KLHDC4: variants seen among roughly 807,000 people sequenced by gnomAD.
KLHDC4 encodes the protein kelch domain-containing protein 4.
KLHDC4 carries 90 observed loss-of-function variants against 62.4 expected under a neutral mutation model. The observed-to-expected ratio is 1.44, with a 90% CI of 1.22 to 1.72. The LOEUF (loss-of-function observed/expected upper bound fraction) is 1.72, where lower values mean the gene tolerates loss of function less well. Among genes scored for constraint, KLHDC4 ranks in the 40% most tolerant of loss-of-function variants. The pLI is 0.00. For missense variants in KLHDC4, 1,025 were observed against 699.7 expected (o/e 1.47, Z -5.25); for synonymous variants, 386 against 284.4 (o/e 1.36, Z -3.59).
At chr16:87,751,689 TG>T (rs113524220) in intron 4 of KLHDC4, among the ~76,000 whole-genome samples, 5 of 152,044 alleles carry the variant, frequency 3.3e-5, no homozygotes, top group South Asian at 2.1e-4. Flanking sequence ...GAGGCTCATG[TG>T]GGAGGATTGC....
At chr16:87,704,038 G>A (rs72810194), downstream of KLHDC4, among the ~76,000 whole-genome samples, 4,646 of 152,338 alleles carry the variant, frequency 0.03, 110 homozygotes, top group Non-Finnish European at 0.043. Context: ...GGCTGAGGCC[G>A]TGATCACAGC....
chr16:87,742,679 G>A (rs2042404880), intron 5 of KLHDC4, among the ~76,000 whole-genome samples: 1 of 152,108 alleles, frequency 6.6e-6, no homozygotes, highest in Non-Finnish European at 1.5e-5. Flanking sequence ...GGAGTGGGAG[G>A]GCAGGAAGGA....
At chr16:87,764,593 A>G (rs2046335847) in intron 1 of KLHDC4, among the ~76,000 whole-genome samples, 2 of 132,034 alleles carry the variant, frequency 1.5e-5, no homozygotes, top group Admixed American at 1.9e-4. Context: ...AGGTGCAGTG[A>G]GCTGAGATCG....
intron 5 of KLHDC4, chr16:87,741,111 G>A (rs1056070084): frequency 3.9e-5 from 6 of 152,232 alleles, no homozygotes; most frequent in Non-Finnish European, 7.3e-5. Flanking sequence ...GAATGGAGAA[G>A]ATGAGGGACT....
rs918118280 is a variant in KLHDC4 at position 87,762,241 on chromosome 16, A to ACCTTT, written c.100-202_100-201insAAAGG. On this transcript the variant is annotated intron_variant, in intron 1 of 11. Transcript: ENST00000270583. Reference sequence around the variant, plus strand: ...GCTTGACCTCAAAGGCAGTCTGCTTAAAGGGTAGATGTGTGCACCAAGTAT... The same window carrying ACCTTT: ...GCTTGACCTCAAAGGCAGTCTGCTTACCTTTAAGGGTAGATGTGTGCACCAAGTAT... 339 of 1,122,920 alleles carry ACCTTT rather than the reference A, an allele frequency of 3.0e-4. 2 individuals are homozygous for ACCTTT. The African/African-American group carries it at 5.1e-3, about 17-fold the overall frequency. The allele number at this position is 1,122,920 out of a possible 1,614,324, so 69.6% of individuals were successfully genotyped here. A position where few individuals can be genotyped will look rare whatever the true frequency, so the allele number is the denominator to read the frequency against.
At chr16:87,714,952 C>T (rs1239574679) in intron 7 of KLHDC4, among the ~76,000 whole-genome samples, 1 of 152,220 alleles carries the variant, frequency 6.6e-6, no homozygotes, top group Non-Finnish European at 1.5e-5. Context: ...CCAAATAACA[C>T]GACTCAGGCT....
At chr16:87,739,787 T>C (rs1007596782) in intron 5 of KLHDC4, 2 of 152,252 alleles carry the variant, frequency 1.3e-5, no homozygotes, top group African/African-American at 4.8e-5. Flanking sequence ...TTTTATGAAA[T>C]ACCCAGAAGA....
intron 2 of KLHDC4, among the ~76,000 whole-genome samples, chr16:87,761,118 T>G (rs1202641583): frequency 1.3e-5 from 2 of 152,152 alleles, no homozygotes; most frequent in African/African-American, 4.8e-5. Flanking sequence ...AAAAGAAAAC[T>G]AAAATCCTAA....
At chr16:87,713,316 C>T (rs2036264756) in intron 8 of KLHDC4, among the ~76,000 whole-genome samples, 1 of 152,118 alleles carries the variant, frequency 6.6e-6, no homozygotes, top group African/African-American at 2.4e-5. Context: ...TCTCCTGCCT[C>T]AGCCTCCCGA....
chr16:87,729,647 G>A (rs1448643161), intron 6 of KLHDC4, among the ~76,000 whole-genome samples: 1 of 152,212 alleles, frequency 6.6e-6, no homozygotes, highest in Non-Finnish European at 1.5e-5. Context: ...GCTCACCCTG[G>A]GCAGCCATGC....
chr16:87,759,113 G>C (rs1023261590), intron 2 of KLHDC4, among the ~76,000 whole-genome samples: 1 of 152,056 alleles, frequency 6.6e-6, no homozygotes, highest in Non-Finnish European at 1.5e-5. Context: ...TGGAGGTTGC[G>C]GTGAGCCGAT....
intron 5 of KLHDC4, among the ~76,000 whole-genome samples, chr16:87,742,802 C>A (rs1267918584): frequency 6.6e-6 from 1 of 152,182 alleles, no homozygotes; most frequent in East Asian, 1.9e-4. Flanking sequence ...GCCAGGAAAA[C>A]CCCCCACTGT....
chr16:87,705,525 A>G (rs1461049557), downstream of KLHDC4, among the ~76,000 whole-genome samples: 1 of 152,258 alleles, frequency 6.6e-6, no homozygotes, highest in Non-Finnish European at 1.5e-5. Context: ...CTGTGTAAGA[A>G]AGTGTACAAG....
chr16:87,730,595 T>G lies in KLHDC4; in HGVS notation c.556A>C (p.Lys186Gln). 6.2e-7 allele frequency: 1 copy of G among 1,613,290 alleles called. No individual in the cohort carries two copies. The highest frequency in any genetic ancestry group is 2.2e-5 in the East Asian group (1 of 44,874). ...GRSGHRMVAW[K>Q]RQLILFGGFH... ...CCACCAAACAGGATCAATTGTCTCTTCCAGGCCACCATCCGATGTCCACTC... is the reference window on the plus strand; with the variant it reads ...CCACCAAACAGGATCAATTGTCTCTGCCAGGCCACCATCCGATGTCCACTC... Residue 186 changes from lysine (K) to glutamine (Q), a missense_variant, in exon 6 of 12, where the codon AAG (lysine) becomes CAG (glutamine). Transcript: ENST00000270583.
chr16:87,737,920 C>A (rs1380326927), intron 5 of KLHDC4, among the ~76,000 whole-genome samples: 1 of 152,146 alleles, frequency 6.6e-6, no homozygotes, highest in Non-Finnish European at 1.5e-5. Context: ...TGGGTCCCAC[C>A]TCCGTCCTAT....
At chr16:87,727,169 CAG>C (rs1345208772) in intron 6 of KLHDC4, among the ~76,000 whole-genome samples, 1 of 110,274 alleles carries the variant, frequency 9.1e-6, no homozygotes, top group East Asian at 2.5e-4. Context: ...TACCTGGAGA[CAG>C]GGCAACATTT....
At chr16:87,699,065 C>T (rs542657451) in exon 1 of KLHDC4, 1 of 152,340 alleles carries the variant, frequency 6.6e-6, no homozygotes, top group African/African-American at 2.4e-5. Context: ...GTCTCCCCAC[C>T]CTTACAAGCC....
rs565196436 is a variant in KLHDC4 at position 87,698,627 on chromosome 16, G to A, written c.*3012C>T. On this transcript the variant is annotated 3_prime_UTR_variant, in exon 1 of 1. Transcript: ENST00000446344. ...CTTGCCTTCCAGCAGCGAGGGCAGA[G>A]GGCAAAGCCACTTCCCTGTGAATTC... The A allele has an allele frequency of 5.2e-3, 798 of 152,374 alleles. 8 individuals carry two copies. The highest frequency in any genetic ancestry group is 7.0e-3 in the Non-Finnish European group (475 of 68,020). The allele number at this position is 152,374 out of a possible 1,614,324, so 9.4% of individuals were successfully genotyped here.
intron 4 of KLHDC4, among the ~76,000 whole-genome samples, chr16:87,749,341 A>G (rs9938186): frequency 0.67 from 101,650 of 151,690 alleles, 34,939 homozygotes; most frequent in East Asian, 0.81. Flanking sequence ...AGATCACGAG[A>G]TCAAGAAATA....
Sources: allele counts gnomAD v4.1 joint callset (sites outside exome capture counted in the v4.1 genomes callset), GRCh38; gene constraint gnomAD v4.1.1; transcripts MANE v1.5; gene names NCBI Gene and HGNC (gene_info 2026-07-23, HGNC 2026-07-21).